Variants in UPF2 observed in about 807,000 individuals in gnomAD.
UPF2 encodes the protein UPF2 regulator of nonsense mediated mRNA decay.
In UPF2, 17 loss-of-function variants were observed where a neutral mutation model predicts 141.4. The observed-to-expected ratio is 0.12, with a 90% CI of 0.08 to 0.18. The LOEUF (loss-of-function observed/expected upper bound fraction) is 0.18, where lower values mean the gene tolerates loss of function less well. Ranked by LOEUF, UPF2 falls within the 10% of genes least tolerant of loss-of-function variation. The pLI is 1.00. For missense variants in UPF2, 1,152 were observed against 1,515.9 expected, an observed-to-expected ratio of 0.76 and a Z score of 3.99; for synonymous variants, 540 against 498.0, an observed-to-expected ratio of 1.08 and a Z score of -1.12.
chr10:11,921,231 T>C lies in UPF2; in HGVS notation c.*67A>G. Reference sequence around the variant, plus strand: ...AGATGTGTCCACTGCTCTCATTCAATTGCTGGAGGACTCCACTAACCACAA... The same window carrying C: ...AGATGTGTCCACTGCTCTCATTCAACTGCTGGAGGACTCCACTAACCACAA... On this transcript the variant is annotated 3_prime_UTR_variant, in exon 22 of 22. Coordinates refer to ENST00000357604, the MANE Select transcript of UPF2 (RefSeq NM_015542.4). This position sits in a 1 kb window ranked among gnomAD's most constrained non-coding sequence, Gnocchi z 5.9. 4 of 1,606,970 alleles carry C rather than the reference T, an allele frequency of 2.5e-6. No individual in the cohort carries two copies. Among genetic ancestry groups the C allele is most frequent in the South Asian group, 1.1e-5 (1 of 90,912 alleles).
intron 16 of UPF2, among the ~76,000 whole-genome samples, chr10:11,945,660 T>A (rs1733536414): frequency 1.3e-5 from 2 of 152,162 alleles, no homozygotes; most frequent in South Asian, 4.1e-4. Flanking sequence ...GATATAACTA[T>A]CAAAATTATA....
At chr10:11,952,659 G>A (rs1030770234) in intron 14 of UPF2, among the ~76,000 whole-genome samples, 18 of 151,504 alleles carry the variant, frequency 1.2e-4, no homozygotes, top group Non-Finnish European at 2.2e-4. Context: ...TATTTTTAGT[G>A]GAGACGGGGT....
intron 19 of UPF2, among the ~76,000 whole-genome samples, chr10:11,933,512 AC>A (rs1832806612): frequency 6.6e-6 from 1 of 152,222 alleles, no homozygotes; most frequent in Non-Finnish European, 1.5e-5. Context: ...ACTAAATGCT[AC>A]ATTTTAAGAA....
chr10:12,029,817 C>G (rs987540040), intron 2 of UPF2, among the ~76,000 whole-genome samples: 4 of 152,004 alleles, frequency 2.6e-5, no homozygotes, highest in African/African-American at 9.7e-5. Context: ...CAAAAATTAG[C>G]TGGGCGTGAT....
chr10:12,015,410 A>G (rs976612970), intron 3 of UPF2, among the ~76,000 whole-genome samples: 3 of 152,342 alleles, frequency 2.0e-5, no homozygotes, highest in East Asian at 1.9e-4. Context: ...TTTCAGTACT[A>G]TAACAATTCG....
intron 13 of UPF2, 126 bp from the exon 14 acceptor site, chr10:11,955,633 T>A (rs1833136886): frequency 4.2e-6 from 4 of 960,342 alleles, no homozygotes; most frequent in South Asian, 2.0e-5. Context: ...AAATGACAGA[T>A]CTTTTCTAAT....
intron 8 of UPF2, among the ~76,000 whole-genome samples, chr10:11,997,437 T>G (rs1468593886): frequency 6.6e-6 from 1 of 152,176 alleles, no homozygotes; most frequent in African/African-American, 2.4e-5. Flanking sequence ...CTTAAGCTAC[T>G]CTTAAACATT....
rs149767176 is a variant in UPF2 at position 11,965,981 on chromosome 10, T to C, written c.2067+1360A>G. Among the ~76,000 whole-genome samples the C allele has an allele frequency of 1.5e-3, 236 of 152,350 alleles. 1 individual carries two copies. The highest frequency in any genetic ancestry group is 5.2e-3 in the African/African-American group (218 of 41,588). On this transcript the variant is annotated intron_variant, in intron 10 of 21. Transcript: ENST00000357604. ...TTTCAAATGCAGAAGAATTATTCCA[T>C]CTATTCTCCACCAGCTTTACCACAT...
Position 11,959,023 on chromosome 10 carries a change from T to C in UPF2, c.2370+148A>G. 1 of 575,648 alleles carries C rather than the reference T, an allele frequency of 1.7e-6. No homozygotes were observed. The highest frequency in any genetic ancestry group is 8.2e-5 in the South Asian group (1 of 12,222). The allele number at this position is 575,648 out of a possible 1,614,324, so 35.7% of individuals were successfully genotyped here. ...CCTATGTCCCAAATATTATATATCA[T>C]CATAAGAATTCCTTCTTAGGGTGAC... On this transcript the variant is annotated intron_variant, in intron 12 of 21. Coordinates refer to ENST00000357604, the MANE Select transcript of UPF2 (RefSeq NM_015542.4). The surrounding 1 kb of genome is among the most constrained non-coding windows in gnomAD (Gnocchi z 5.9).
intron 4 of UPF2, among the ~76,000 whole-genome samples, chr10:12,011,957 T>TAAG (rs1298321498): frequency 6.6e-6 from 1 of 151,000 alleles, no homozygotes; most frequent in African/African-American, 2.4e-5. Flanking sequence ...AAAATAATAA[T>TAAG]AATAATAATA....
intron 3 of UPF2, among the ~76,000 whole-genome samples, chr10:12,025,048 T>TA (rs1233579995): frequency 6.6e-6 from 1 of 151,802 alleles, no homozygotes; most frequent in African/African-American, 2.4e-5. Flanking sequence ...AAACTATCAT[T>TA]AGGCCAATAG....
At position 11,973,305 on chromosome 10, in the gene UPF2, T is replaced by TTC. The variant is rs1455090163; in HGVS notation, c.1953+5751_1953+5752insGA. 4.9e-4 allele frequency among the ~76,000 whole-genome samples: 75 copies of TTC among 152,340 alleles called. 1 individual carries two copies. Among genetic ancestry groups the TTC allele is most frequent in the Admixed American group, 4.8e-3 (74 of 15,308 alleles). On this transcript the variant is annotated intron_variant, in intron 9 of 21. Coordinates refer to ENST00000357604, the MANE Select transcript of UPF2 (RefSeq NM_015542.4). Reference sequence around the variant, plus strand: ...ATTAGCCCTTTGTCAGATGGGTAGATTGTAAAAATTTTCTCCCATTCTGTA... The same window carrying TTC: ...ATTAGCCCTTTGTCAGATGGGTAGATTCTGTAAAAATTTTCTCCCATTCTGTA...
At chr10:11,988,611 G>T (rs910163121) in intron 8 of UPF2, among the ~76,000 whole-genome samples, 1 of 152,202 alleles carries the variant, frequency 6.6e-6, no homozygotes, top group Non-Finnish European at 1.5e-5. Context: ...CCAGGGAGGA[G>T]GACGAGAATC....
rs1833801302 is a variant in UPF2 at position 11,992,815 on chromosome 10, A to G, written c.1844+4857T>C. Among the ~76,000 whole-genome samples, 1 of 152,340 alleles carries G rather than the reference A, an allele frequency of 6.6e-6. No homozygotes were observed. The highest frequency in any genetic ancestry group is 2.1e-4 in the South Asian group (1 of 4,826). On this transcript the variant is annotated intron_variant, in intron 8 of 21. Transcript: ENST00000357604. The surrounding 1 kb of genome is among the most constrained non-coding windows in gnomAD (Gnocchi z 4.1). ...GGAATATAAAATAAAGGGCACAGGT[A>G]TACCAAATAAAAGGCACATGTATAC...
At chr10:12,041,807 A>T (rs1420569783) in intron 1 of UPF2, among the ~76,000 whole-genome samples, 1 of 152,186 alleles carries the variant, frequency 6.6e-6, no homozygotes, top group East Asian at 1.9e-4. Flanking sequence ...GATGTTAAGG[A>T]ACACCTAAGA....
At chr10:11,997,567 G>A in intron 8 of UPF2, 105 bp downstream of exon 8, 3 of 1,001,684 alleles carry the variant, frequency 3.0e-6, no homozygotes, top group Admixed American at 4.4e-5. Flanking sequence ...GACCTACAGA[G>A]TGAATAAAAT....
At chr10:12,000,042 A>C in intron 6 of UPF2, 33 bp from the exon 7 acceptor site, 1 of 1,510,952 alleles carries the variant, frequency 6.6e-7, no homozygotes, top group Non-Finnish European at 9.0e-7. Context: ...ATAGGTTAAA[A>C]AAAAAAGAGA....
At chr10:11,955,015 TATCA>T (rs1218684251) in intron 14 of UPF2, among the ~76,000 whole-genome samples, 1 of 152,022 alleles carries the variant, frequency 6.6e-6, no homozygotes, top group African/African-American at 2.4e-5. Flanking sequence ...GACCAATCAT[TATCA>T]ATCATAAAAG....
intron 3 of UPF2, among the ~76,000 whole-genome samples, chr10:12,020,344 C>T (rs550678820): frequency 1.8e-4 from 27 of 151,614 alleles, no homozygotes; most frequent in African/African-American, 6.3e-4. Context: ...CTCTGCCTCC[C>T]GGGTTCAAGC....
Sources: allele counts gnomAD v4.1 joint callset (sites outside exome capture counted in the v4.1 genomes callset), GRCh38; gene constraint gnomAD v4.1.1; non-coding constraint Gnocchi (gnomAD v3.1); transcripts MANE v1.5; gene names NCBI Gene and HGNC (gene_info 2026-07-23, HGNC 2026-07-21).